Variants in ADAMTS13 observed in about 807,000 individuals in gnomAD.
ADAMTS13 encodes the protein ADAM metallopeptidase with thrombospondin type 1 motif 13, also known as A disintegrin and metalloproteinase with thrombospondin motifs 13.
Under a neutral mutation model 155.1 loss-of-function variants are expected in ADAMTS13, and 110 were observed. The observed-to-expected ratio is 0.71, with a 90% CI of 0.61 to 0.83. The LOEUF (loss-of-function observed/expected upper bound fraction) is 0.83, where lower values mean the gene tolerates loss of function less well. Ranked by LOEUF, ADAMTS13 falls within the 40% of genes least tolerant of loss-of-function variation. The probability of loss-of-function intolerance (pLI) is 0.00; values close to 1 mark genes in which losing one functional copy is unlikely to be tolerated. For missense variants in ADAMTS13, 1,707 were observed against 1,891.7 expected (o/e 0.90, Z 1.81); for synonymous variants, 758 against 756.4 (o/e 1.00, Z -0.03).
rs1564449465 is a variant in ADAMTS13 at position 133,459,229 on chromosome 9, CCCTG to C, written c.*50_*53del. On this transcript the variant is annotated 3_prime_UTR_variant, in exon 29 of 29. Transcript: ENST00000355699. ...GTCTGGCCAGCCCTGGAGGGTTGAC[CCCTG>C]GTCTCAGTGCTTTCCAATTCGAACT... 1 of 1,537,320 alleles carries C rather than the reference CCCTG, an allele frequency of 6.5e-7. No individual in the cohort carries two copies. Among genetic ancestry groups the C allele is most frequent in the Admixed American group, 1.9e-5 (1 of 52,986 alleles).
At position 133,425,562 on chromosome 9, in the gene ADAMTS13, G is replaced by A. The variant is rs1840225725; in HGVS notation, c.364G>A (p.Ala122Thr). ...ACTGCTTCGGGACCCGTCCCTGGGG[G>A]CTCAGTTTCGGGTGCACCTGGTGAA... is the stretch of plus-strand genomic sequence containing the variant. ...AELLRDPSLG[A>T]QFRVHLVKMV... The change falls in exon 4 of 29, where the codon GCT becomes ACT. Residue 122 changes from alanine to threonine, a missense_variant. Transcript: ENST00000355699. This position sits in a 1 kb window ranked among gnomAD's most constrained non-coding sequence, Gnocchi z 4.6. The A allele has an allele frequency of 2.5e-6, 4 of 1,613,662 alleles. No homozygotes were observed. The East Asian group carries it at 8.9e-5, about 36-fold the overall frequency.
intron 23 of ADAMTS13, among the ~76,000 whole-genome samples, chr9:133,452,111 T>C (rs1842469465): frequency 6.9e-6 from 1 of 143,952 alleles, no homozygotes; most frequent in African/African-American, 2.4e-5. Flanking sequence ...ACTGGGTTTT[T>C]TTCTTCTCCT....
In ADAMTS13 at chr9:133,456,825, T is replaced by TA. The variant is rs1554796210; in HGVS notation, c.3724+107dup. 2.2e-6 allele frequency: 3 copies of TA among 1,389,122 alleles called. No homozygotes were observed. The highest frequency in any genetic ancestry group is 3.9e-5 in the Admixed American group (2 of 50,760). 86.0% of individuals were successfully genotyped at this position (1,389,122 alleles called of 1,614,324 possible). A position where few individuals can be genotyped will look rare whatever the true frequency, so the allele number is the denominator to read the frequency against. On this transcript the variant is annotated intron_variant, in intron 27 of 28. Transcript: ENST00000355699. This position sits in a 1 kb window ranked among gnomAD's most constrained non-coding sequence, Gnocchi z 4.4. ...CAGTCCCAGTGGGGCAGTGGGAAGA[T>TA]ACGGAGGGAACTGACTGAGATGGAA...
rs927456012 is a variant in ADAMTS13 at position 133,441,549 on chromosome 9, C to T, written c.1969-850C>T. ...TGCGGCACTGGCCAGATGTGGGCAT[C>T]GAGGGGGCAGGTGCGGAATGTCACC... On this transcript the variant is annotated intron_variant, in intron 16 of 28. Coordinates refer to ENST00000355699, the MANE Select transcript of ADAMTS13 (RefSeq NM_139027.6). This position sits in a 1 kb window ranked among gnomAD's most constrained non-coding sequence, Gnocchi z 5.0. Among the ~76,000 whole-genome samples the T allele has an allele frequency of 1.3e-5, 2 of 152,210 alleles. No individual in the cohort carries two copies. The highest frequency in any genetic ancestry group is 2.4e-5 in the African/African-American group (1 of 41,450).
At chr9:133,435,498 CT>C (rs148497607) in intron 11 of ADAMTS13, among the ~76,000 whole-genome samples, 45,999 of 143,024 alleles carry the variant, frequency 0.32, 9,033 homozygotes, top group Non-Finnish European at 0.44. Flanking sequence ...CTATGTTTGA[CT>C]TTTTTTTTTT....
upstream of ADAMTS13, chr9:133,417,596 C>T (rs1839735542): frequency 6.2e-7 from 1 of 1,608,756 alleles, no homozygotes; most frequent in Non-Finnish European, 8.5e-7. Flanking sequence ...CGCAGCGCTC[C>T]GCCCGGGCCC....
intron 8 of ADAMTS13, 40 bp downstream of exon 8, chr9:133,430,141 C>A (rs781808050): frequency 2.6e-6 from 4 of 1,551,562 alleles, no homozygotes; most frequent in Non-Finnish European, 3.5e-6. Flanking sequence ...GCTGTGAGGT[C>A]CCTCCGCATC....
chr9:133,443,577 G>A lies in ADAMTS13; in HGVS notation c.2420+16G>A, dbSNP rs782688190. ...GCCCTGCCAGGTGAGCCCAGGGCTA[G>A]GTGGGGCTGGGAGAGGGCCTTCCTG... On this transcript the variant is annotated intron_variant, in intron 19 of 28. Transcript: ENST00000355699. 3 of 1,530,572 alleles carry A rather than the reference G, an allele frequency of 2.0e-6. No individual in the cohort carries two copies. Among genetic ancestry groups the A allele is most frequent in the Non-Finnish European group, 2.6e-6 (3 of 1,142,874 alleles). 94.8% of individuals were successfully genotyped at this position (1,530,572 alleles called of 1,614,324 possible).
chr9:133,420,619 G>A (rs28488980), upstream of ADAMTS13, among the ~76,000 whole-genome samples: 5,168 of 152,300 alleles, frequency 0.034, 270 homozygotes, highest in African/African-American at 0.11. Flanking sequence ...GATTCTGGCG[G>A]CATAAACAGG....
upstream of ADAMTS13, among the ~76,000 whole-genome samples, chr9:133,417,137 G>A (rs1287928500): frequency 6.6e-6 from 1 of 152,152 alleles, no homozygotes; most frequent in African/African-American, 2.4e-5. Flanking sequence ...CAGGCTCCCC[G>A]AGTAGCTGCG....
intron 23 of ADAMTS13, 135 bp downstream of exon 23, chr9:133,450,100 C>G: frequency 9.6e-7 from 1 of 1,044,092 alleles, no homozygotes; most frequent in Non-Finnish European, 1.4e-6. Flanking sequence ...GAGTGCAAGT[C>G]CAACCTGGGC....
Position 133,445,103 on chromosome 9 carries a change from G to C in ADAMTS13, c.2610+51G>C. ...CTGGGGCTGTTGAGTCCTTTACCTG[G>C]CTGGGAGAACGAGGAGCACCCATTG... On this transcript the variant is annotated intron_variant, in intron 20 of 28. Coordinates refer to ENST00000355699, the MANE Select transcript of ADAMTS13 (RefSeq NM_139027.6). The surrounding 1 kb of genome is among the most constrained non-coding windows in gnomAD (Gnocchi z 5.0). 1 of 1,583,712 alleles carries C rather than the reference G, an allele frequency of 6.3e-7. No individual in the cohort carries two copies. The highest frequency in any genetic ancestry group is 1.1e-5 in the South Asian group (1 of 88,460).
At chr9:133,449,224 TTTC>T (rs1554793524) in intron 22 of ADAMTS13, among the ~76,000 whole-genome samples, 1 of 152,048 alleles carries the variant, frequency 6.6e-6, no homozygotes, top group African/African-American at 2.4e-5. Flanking sequence ...TGCTGGTGCG[TTTC>T]TTCATCGCCT....
chr9:133,454,620 G>A lies in ADAMTS13; in HGVS notation c.3249+1G>A. 1 of 1,597,602 alleles carries A rather than the reference G, an allele frequency of 6.3e-7. No individual in the cohort carries two copies. Among genetic ancestry groups the A allele is most frequent in the Middle Eastern group, 1.9e-4 (1 of 5,392 alleles). ...CTGGCATGTTGGCACCTGGATGGAGGTGAGCACAGCGGGCACTCGGAATCC... is the reference window on the plus strand; with the variant it reads ...CTGGCATGTTGGCACCTGGATGGAGATGAGCACAGCGGGCACTCGGAATCC... On this transcript the variant is annotated splice_donor_variant, in intron 24 of 28. Transcript: ENST00000355699. LOFTEE classifies it high-confidence loss of function.
chr9:133,444,957 G>GAGGCTCCAGTGACTGAGGGGCC lies in ADAMTS13; in HGVS notation c.2516_2537dup (p.Val849SerfsTer3). 6.2e-7 allele frequency: 1 copy of GAGGCTCCAGTGACTGAGGGGCC among 1,613,504 alleles called. No homozygotes were observed. The highest frequency in any genetic ancestry group is 8.5e-7 in the Non-Finnish European group (1 of 1,180,020). ...CTGTGTGCCAGGGGCAGATGGCCTG[G>GAGGCTCCAGTGACTGAGGGGCC]AGGCTCCAGTGACTGAGGGGCCTGG... On this transcript the variant is annotated frameshift_variant, in exon 20 of 29. Coordinates refer to ENST00000355699, the MANE Select transcript of ADAMTS13 (RefSeq NM_139027.6). LOFTEE classifies it high-confidence loss of function.
rs1554791270 is a variant in ADAMTS13 at position 133,442,708 on chromosome 9, G to A, written c.2199G>A (p.Trp733Ter). ...AAGGGAGCCAGCAGCCACCAGCGTG[G>A]CCAGAGGCCTGCGTGCTCGAACCCT... ...QCQGSQQPPA[W>*]PEACVLEPCP... The change falls in exon 18 of 29, where the codon TGG becomes TGA. Residue 733 changes from tryptophan (W) to a stop codon, truncating the protein, a stop_gained. Transcript: ENST00000355699. LOFTEE classifies it high-confidence loss of function. The A allele has an allele frequency of 6.2e-7, 1 of 1,613,070 alleles. No homozygotes were observed. The highest frequency in any genetic ancestry group is 8.5e-7 in the Non-Finnish European group (1 of 1,180,000).
rs895235456 is a variant in ADAMTS13, at chr9:133,455,434, G to T, written c.3399G>T (p.Gln1133His). 1.4e-5 allele frequency: 23 copies of T among 1,612,454 alleles called. No individual in the cohort carries two copies. Among genetic ancestry groups the T allele is most frequent in the Non-Finnish European group, 1.8e-5 (21 of 1,179,878 alleles). Residue 1133 changes from glutamine (Q) to histidine (H), a missense_variant and splice_region_variant, in exon 25 of 29, where the codon CAG becomes CAT. Gln to His is a conservative substitution (Grantham distance 24). Around this residue, in one of 3 missense-constraint regions of ADAMTS13, gnomAD observed 961 missense variants for 1,107.9 expected, o/e 0.87. Coordinates refer to ENST00000355699, the MANE Select transcript of ADAMTS13 (RefSeq NM_139027.6). Reference protein sequence around the residue: ...RGCWAGPCVGQGACGRQHLEP... With the variant: ...RGCWAGPCVGHGACGRQHLEP... The stretch of plus-strand genomic sequence containing the variant: ...GCTGGGCTGGGCCCTGTGTGGGACA[G>T]GGTACGCCCAGCCTGGTGCCCCACG...
chr9:133,440,386 G>A lies in ADAMTS13; in HGVS notation c.1829G>A (p.Ser610Asn). The A allele has an allele frequency of 6.2e-7, 1 of 1,613,968 alleles. No individual in the cohort carries two copies. The highest frequency in any genetic ancestry group is 8.5e-7 in the Non-Finnish European group (1 of 1,180,040). The change falls in exon 16 of 29, where the codon AGC becomes AAC. Residue 610 changes from serine (S) to asparagine (N), a missense_variant. Coordinates refer to ENST00000355699, the MANE Select transcript of ADAMTS13 (RefSeq NM_139027.6). This position sits in a 1 kb window ranked among gnomAD's most constrained non-coding sequence, Gnocchi z 4.3. ...GGRYVVAGKM[S>N]ISPNTTYPSL... Reference sequence around the variant, plus strand: ...CGCTATGTCGTGGCTGGGAAGATGAGCATCTCCCCTAACACCACCTACCCC... The same window carrying A: ...CGCTATGTCGTGGCTGGGAAGATGAACATCTCCCCTAACACCACCTACCCC...
Position 133,449,962 on chromosome 9 carries a change from C to T in ADAMTS13, c.3041C>T (p.Pro1014Leu), listed in dbSNP as rs1554793924. Residue 1014 changes from proline (P) to leucine (L), a missense_variant, in exon 23 of 29, where the codon CCT becomes CTT. Around this residue, in one of 3 missense-constraint regions of ADAMTS13, gnomAD observed 961 missense variants for 1,107.9 expected, o/e 0.87. Transcript: ENST00000355699. ...QEACSLEPCPPRWKVMSLGPC... is the reference protein window; with the variant it reads ...QEACSLEPCPLRWKVMSLGPC... Reference sequence around the variant, plus strand: ...GCCTGCAGCCTGGAGCCCTGCCCACCTAGGTGAGTCAGCCGGTGATGGGAG... The same window carrying T: ...GCCTGCAGCCTGGAGCCCTGCCCACTTAGGTGAGTCAGCCGGTGATGGGAG... 2.5e-6 allele frequency: 4 copies of T among 1,599,538 alleles called. No individual in the cohort carries two copies. In the South Asian group the frequency reaches 4.5e-5, roughly 18 times the overall value.
Sources: allele counts gnomAD v4.1 joint callset (sites outside exome capture counted in the v4.1 genomes callset), GRCh38; gene constraint gnomAD v4.1.1; regional missense constraint gnomAD v4.1.1; non-coding constraint Gnocchi (gnomAD v3.1); transcripts MANE v1.5; gene names NCBI Gene and HGNC (gene_info 2026-07-23, HGNC 2026-07-21).